GMDS: variants seen among roughly 807,000 people sequenced by gnomAD.
The protein encoded by GMDS is GDP-mannose 4,6 dehydratase.
GMDS carries 20 observed loss-of-function variants against 49.9 expected under a neutral mutation model. That is an observed-to-expected ratio of 0.40 (90% CI 0.28 to 0.58). GMDS has a LOEUF of 0.58. Ranked by LOEUF, GMDS falls within the 20% of genes least tolerant of loss-of-function variation. The probability of loss-of-function intolerance (pLI) is 0.42; values close to 1 mark genes in which losing one functional copy is unlikely to be tolerated. For missense variants in GMDS, 362 were observed against 481.4 expected, an observed-to-expected ratio of 0.75 and a Z score of 2.32; for synonymous variants, 177 against 178.6, an observed-to-expected ratio of 0.99 and a Z score of 0.07.
intron 7 of GMDS, among the ~76,000 whole-genome samples, chr6:1,803,170 G>C (rs544776970): frequency 1.5e-4 from 23 of 152,266 alleles, no homozygotes; most frequent in Non-Finnish European, 2.4e-4. Context: ...CTGTATGTTT[G>C]AGAAATGTTT....
rs772577538 is a variant in GMDS at position 2,115,801 on chromosome 6, G to C, written c.315C>G (p.Ile105Met). The C allele has an allele frequency of 6.2e-7, 1 of 1,603,472 alleles. No individual in the cohort carries two copies. The highest frequency in any genetic ancestry group is 2.2e-5 in the East Asian group (1 of 44,842). ...KIINEVKPTE[I>M]YNLGAQSHVK... ...CGTGGCTCTGGGCTCCAAGGTTGTAGATCTCTGTGGGCTTTACTTCATTAA... is the reference window on the plus strand; with the variant it reads ...CGTGGCTCTGGGCTCCAAGGTTGTACATCTCTGTGGGCTTTACTTCATTAA... Residue 105 changes from isoleucine (I) to methionine (M), a missense_variant, in exon 4 of 11, where the codon ATC becomes ATG. Coordinates refer to ENST00000380815, the MANE Select transcript of GMDS (RefSeq NM_001500.4).
intron 7 of GMDS, among the ~76,000 whole-genome samples, chr6:1,928,756 G>A (rs1762143501): frequency 6.6e-6 from 1 of 152,134 alleles, no homozygotes; most frequent in East Asian, 1.9e-4. Flanking sequence ...ATCACCTGAG[G>A]TCAGGAGTTT....
chr6:1,891,218 T>C (rs1759853287), intron 7 of GMDS, among the ~76,000 whole-genome samples: 2 of 152,190 alleles, frequency 1.3e-5, no homozygotes, highest in Admixed American at 6.5e-5. Flanking sequence ...TCCTTTCCTT[T>C]CCATTTTCAG....
intron 7 of GMDS, among the ~76,000 whole-genome samples, chr6:1,845,985 G>T (rs78710962): frequency 0.032 from 4,928 of 152,056 alleles, 141 homozygotes; most frequent in Admixed American, 0.089. Context: ...TGAATCCTTG[G>T]CCTGAAGCAT....
intron 7 of GMDS, among the ~76,000 whole-genome samples, chr6:1,898,012 GGCCTCCCTT>G (rs1423916087): frequency 8.1e-5 from 10 of 123,978 alleles, no homozygotes; most frequent in East Asian, 5.4e-4. Context: ...CACCTACCCT[GGCCTCCCTT>G]GCCATCCTGG....
In GMDS at chr6:1,646,967, TGGCTCCTGTG is replaced by T. The variant is rs542165345; in HGVS notation, c.988-22437_988-22428del. On this transcript the variant is annotated intron_variant, in intron 9 of 10. Transcript: ENST00000380815. The stretch of plus-strand genomic sequence containing the variant: ...GTCTCTTACAAAAAGACCACCTTGA[TGGCTCCTGTG>T]GGCACGGGTGGTAGCCAGGCCTCTT... Among the ~76,000 whole-genome samples the T allele has an allele frequency of 4.0e-4, 61 of 152,322 alleles. No individual in the cohort carries two copies. In the East Asian group the frequency reaches 0.011, roughly 27 times the overall value.
intron 7 of GMDS, among the ~76,000 whole-genome samples, chr6:1,793,235 C>A (rs1769610156): frequency 6.6e-6 from 1 of 152,148 alleles, no homozygotes. Flanking sequence ...GTCTCAGAAC[C>A]CATGATAAAA....
intron 1 of GMDS, among the ~76,000 whole-genome samples, chr6:2,202,334 A>G (rs901983988): frequency 2.4e-4 from 36 of 151,688 alleles, no homozygotes; most frequent in African/African-American, 8.7e-4. Context: ...AGAACACCAC[A>G]TGCACATCCG....
At chr6:1,676,166 T>C (rs1319442185) in intron 9 of GMDS, among the ~76,000 whole-genome samples, 2 of 152,106 alleles carry the variant, frequency 1.3e-5, no homozygotes, top group Non-Finnish European at 2.9e-5. Flanking sequence ...AAATCATGAG[T>C]GAACTCCCAT....
rs148481371 is a variant in GMDS, at chr6:2,202,369, G to A, written c.102+42952C>T. Among the ~76,000 whole-genome samples, 26 of 151,232 alleles carry A rather than the reference G, an allele frequency of 1.7e-4. 1 individual carries two copies. The highest frequency in any genetic ancestry group is 6.8e-3 in the Middle Eastern group (2 of 292). ...GAGATGAAACCATCTAGGCAGTGAG[G>A]GCAGCATGTCCTCACTGCACAGTCG... is the stretch of plus-strand genomic sequence containing the variant. On this transcript the variant is annotated intron_variant, in intron 1 of 10. Coordinates refer to ENST00000380815, the MANE Select transcript of GMDS (RefSeq NM_001500.4).
intron 1 of GMDS, among the ~76,000 whole-genome samples, chr6:2,186,246 G>T (rs528470562): frequency 6.6e-6 from 1 of 152,284 alleles, no homozygotes; most frequent in African/African-American, 2.4e-5. Flanking sequence ...ATGTTTTAAT[G>T]TACAATGTTA....
At chr6:2,044,130 C>G (rs1312248010) in intron 4 of GMDS, among the ~76,000 whole-genome samples, 1 of 152,150 alleles carries the variant, frequency 6.6e-6, no homozygotes, top group Non-Finnish European at 1.5e-5. Flanking sequence ...ATAAATTGTT[C>G]AAACACTGTG....
chr6:2,173,249 T>C (rs1455072295), intron 1 of GMDS, among the ~76,000 whole-genome samples: 2 of 152,240 alleles, frequency 1.3e-5, no homozygotes, highest in African/African-American at 4.8e-5. Context: ...TCTTCCTGCC[T>C]ACTTGCTGAT....
Position 2,000,096 on chromosome 6 carries a change from A to G in GMDS, c.346-39130T>C, listed in dbSNP as rs550383864. ...GTCGCCCAGGCTGGAGTGCAGTGGCATGATCTCAGCTCACTGCAAGCTCCA... is the reference window on the plus strand; with the variant it reads ...GTCGCCCAGGCTGGAGTGCAGTGGCGTGATCTCAGCTCACTGCAAGCTCCA... On this transcript the variant is annotated intron_variant, in intron 4 of 10. Coordinates refer to ENST00000380815, the MANE Select transcript of GMDS (RefSeq NM_001500.4). Among the ~76,000 whole-genome samples, 11 of 111,168 alleles carry G rather than the reference A, an allele frequency of 9.9e-5. No individual in the cohort carries two copies. In the South Asian group the frequency reaches 2.8e-3, roughly 29 times the overall value. 72.9% of individuals were successfully genotyped at this position (111,168 alleles called of 152,430 possible).
At chr6:1,626,698 G>C (rs749777868) in intron 9 of GMDS, among the ~76,000 whole-genome samples, 2 of 152,174 alleles carry the variant, frequency 1.3e-5, no homozygotes, top group Non-Finnish European at 2.9e-5. Context: ...TTTCATGGCT[G>C]TGAACTCATA....
At chr6:1,659,604 C>G (rs914154044) in intron 9 of GMDS, among the ~76,000 whole-genome samples, 1 of 152,128 alleles carries the variant, frequency 6.6e-6, no homozygotes, top group Non-Finnish European at 1.5e-5. Flanking sequence ...CCCAGTGGAC[C>G]AAGGGCAGAT....
intron 7 of GMDS, among the ~76,000 whole-genome samples, chr6:1,768,915 G>A (rs1768467465): frequency 1.3e-5 from 2 of 152,098 alleles, no homozygotes; most frequent in South Asian, 4.1e-4. Context: ...CTCATTTTTT[G>A]TGTGCTTATT....
intron 6 of GMDS, among the ~76,000 whole-genome samples, chr6:1,955,152 A>G (rs1763562174): frequency 6.6e-6 from 1 of 152,156 alleles, no homozygotes; most frequent in Non-Finnish European, 1.5e-5. Context: ...AAGAAGAAAA[A>G]AGCAATATCT....
At chr6:1,854,255 T>C (rs888992024) in intron 7 of GMDS, among the ~76,000 whole-genome samples, 4 of 152,222 alleles carry the variant, frequency 2.6e-5, no homozygotes, top group Admixed American at 2.6e-4. Flanking sequence ...TGAGTCTGTG[T>C]GTATGGATGA....
Sources: allele counts gnomAD v4.1 joint callset (sites outside exome capture counted in the v4.1 genomes callset), GRCh38; gene constraint gnomAD v4.1.1; transcripts MANE v1.5; gene names NCBI Gene and HGNC (gene_info 2026-07-23, HGNC 2026-07-21).